OVGP1: variants seen among roughly 807,000 people sequenced by gnomAD.
The protein encoded by OVGP1 is oviduct-specific glycoprotein.
OVGP1 carries 26 observed loss-of-function variants against 48.2 expected under a neutral mutation model. The ratio of observed to expected loss-of-function variants is 0.54; its 90% confidence interval spans 0.40 to 0.75. The LOEUF (loss-of-function observed/expected upper bound fraction) is 0.75, where lower values mean the gene tolerates loss of function less well. Ranked by LOEUF, OVGP1 falls within the 30% of genes least tolerant of loss-of-function variation. The probability of loss-of-function intolerance (pLI) is 0.00; values close to 1 mark genes in which losing one functional copy is unlikely to be tolerated. For synonymous variants in OVGP1, 294 were observed against 305.7 expected (o/e 0.96, Z 0.40); for missense variants, 791 against 820.6 (o/e 0.96, Z 0.44).
At chr1:111,427,565 C>A in intron 1 of OVGP1, 132 bp downstream of exon 1, 1 of 1,165,540 alleles carries the variant, frequency 8.6e-7, no homozygotes, top group Non-Finnish European at 1.3e-6. Context: ...TTAACTATGG[C>A]CCATCCCATC....
At chr1:111,421,170 C>T in intron 8 of OVGP1, 106 bp downstream of exon 8, 1 of 990,322 alleles carries the variant, frequency 1.0e-6, no homozygotes, top group Non-Finnish European at 1.5e-6. Flanking sequence ...CACCTCTTTG[C>T]CCTGTCTACA....
At chr1:111,425,250 A>G (rs990114092) in intron 4 of OVGP1, 133 bp downstream of exon 4, 18 of 987,002 alleles carry the variant, frequency 1.8e-5, no homozygotes, top group Admixed American at 4.6e-5. Flanking sequence ...CAGGGGTCTA[A>G]GATTCATGAG....
rs1245800398 is a variant in OVGP1 at position 111,421,471 on chromosome 1, A to G, written c.718-10T>C. 3.7e-6 allele frequency: 6 copies of G among 1,609,038 alleles called. No individual in the cohort carries two copies. The East Asian group carries it at 1.1e-4, about 30-fold the overall frequency. On this transcript the variant is annotated splice_polypyrimidine_tract_variant and intron_variant, in intron 7 of 10. Transcript: ENST00000369732. ...AATTCATAGCATATGCCTGCAGGTA[A>G]GAAGAATCCAGACTCCTCCTTGTTA...
chr1:111,423,533 C>T lies in OVGP1; in HGVS notation c.483+10G>A. On this transcript the variant is annotated intron_variant, in intron 5 of 10. Transcript: ENST00000369732. Reference sequence around the variant, plus strand: ...ATTTCTGGATTCTGGCGCTTCTAGACCAGACTTACTTCAATTAAGAAGAGA... The same window carrying T: ...ATTTCTGGATTCTGGCGCTTCTAGATCAGACTTACTTCAATTAAGAAGAGA... The T allele has an allele frequency of 1.9e-6, 3 of 1,613,266 alleles. No homozygotes were observed. The highest frequency in any genetic ancestry group is 2.5e-6 in the Non-Finnish European group (3 of 1,179,686).
At chr1:111,425,971 A>T (rs1652388017) in intron 3 of OVGP1, among the ~76,000 whole-genome samples, 1 of 152,170 alleles carries the variant, frequency 6.6e-6, no homozygotes, top group Non-Finnish European at 1.5e-5. Context: ...AATGTAAGCA[A>T]ACACTTACTG....
chr1:111,426,210 C>A (rs1652392498), intron 3 of OVGP1, among the ~76,000 whole-genome samples: 1 of 152,158 alleles, frequency 6.6e-6, no homozygotes, highest in Admixed American at 6.5e-5. Context: ...GAGAGAGAAG[C>A]ACATTCCAGG....
At chr1:111,427,553 C>A in intron 1 of OVGP1, 144 bp downstream of exon 1, 1 of 1,118,946 alleles carries the variant, frequency 8.9e-7, no homozygotes, top group Non-Finnish European at 1.3e-6. Flanking sequence ...GACCTCTGAC[C>A]ATTAACTATG....
At chr1:111,423,807 A>C in intron 4 of OVGP1, 99 bp from the exon 5 acceptor site, 4 of 1,170,982 alleles carry the variant, frequency 3.4e-6, no homozygotes, top group Non-Finnish European at 4.9e-6. Flanking sequence ...TGGGCCTGGC[A>C]GATGTGGCTG....
At chr1:111,416,877 G>C (rs187420861) in intron 9 of OVGP1, among the ~76,000 whole-genome samples, 2 of 152,308 alleles carry the variant, frequency 1.3e-5, no homozygotes, top group Non-Finnish European at 2.9e-5. Context: ...AATGGTGGTT[G>C]CCAGGGGACG....
chr1:111,425,565 A>T, intron 3 of OVGP1, 126 bp from the exon 4 acceptor site: 3 of 1,511,134 alleles, frequency 2.0e-6, no homozygotes, highest in Non-Finnish European at 2.7e-6. Context: ...TAAGGAAAGG[A>T]AAAGGGGGAA....
At chr1:111,418,218 A>G (rs955185506) in intron 9 of OVGP1, among the ~76,000 whole-genome samples, 2 of 152,302 alleles carry the variant, frequency 1.3e-5, no homozygotes, top group Middle Eastern at 3.4e-3. Context: ...CAGTAACTGC[A>G]CCTCAAAGCA....
chr1:111,419,784 G>A (rs878903598), intron 8 of OVGP1, 58 bp from the exon 9 acceptor site: 123 of 999,500 alleles, frequency 1.2e-4, no homozygotes, highest in South Asian at 8.3e-4. Flanking sequence ...AGCACCAAGA[G>A]ACAGTTGTTC....
chr1:111,422,811 C>T lies in OVGP1; in HGVS notation c.608+116G>A, dbSNP rs191784217. ...CAGTCCAGCCCCAAACTTGCACTGA[C>T]GTCAGGGCAGGCACACGGTGAGCTC... On this transcript the variant is annotated intron_variant, in intron 6 of 10. Transcript: ENST00000369732. 4.9e-4 allele frequency: 592 copies of T among 1,219,726 alleles called. 2 individuals are homozygous for T. The African/African-American group carries it at 6.4e-3, about 13-fold the overall frequency. The allele number at this position is 1,219,726 out of a possible 1,614,324, so 75.6% of individuals were successfully genotyped here.
rs549649343 is a variant in OVGP1 at position 111,422,018 on chromosome 1, T to G, written c.609-345A>C. Among the ~76,000 whole-genome samples, 9 of 152,302 alleles carry G rather than the reference T, an allele frequency of 5.9e-5. 2 individuals are homozygous for G. The highest frequency in any genetic ancestry group is 2.2e-4 in the African/African-American group (9 of 41,562). Reference sequence around the variant, plus strand: ...GTTCCATAGCTTGTCTTTCTACAATTCCAGGAGCCATTGAAACCCACCTCC... The same window carrying G: ...GTTCCATAGCTTGTCTTTCTACAATGCCAGGAGCCATTGAAACCCACCTCC... On this transcript the variant is annotated intron_variant, in intron 6 of 10. Coordinates refer to ENST00000369732, the MANE Select transcript of OVGP1 (RefSeq NM_002557.4).
In OVGP1 at chr1:111,415,158, C is replaced by T; in HGVS notation, c.1343G>A (p.Gly448Asp). ...KCENMTITPR[G>D]TTVTPTKETV... ...TTCCTTTGTAGGGGTCACAGTTGTA[C>T]CTCTAGGGGTTATAGTCATATTTTC... The change falls in exon 11 of 11, where the codon GGT (glycine) becomes GAT (aspartate). Residue 448 changes from glycine (G) to aspartate (D), a missense_variant. Coordinates refer to ENST00000369732, the MANE Select transcript of OVGP1 (RefSeq NM_002557.4). The T allele has an allele frequency of 1.2e-6, 2 of 1,614,106 alleles. No homozygotes were observed. Among genetic ancestry groups the T allele is most frequent in the Non-Finnish European group, 1.7e-6 (2 of 1,179,998 alleles).
intron 1 of OVGP1, 76 bp downstream of exon 1, chr1:111,427,621 C>T: frequency 6.6e-7 from 1 of 1,508,860 alleles, no homozygotes; most frequent in Non-Finnish European, 9.2e-7. Context: ...CTCTCTCAGG[C>T]ACCAGAGAGA....
At chr1:111,417,698 A>G (rs1652168274) in intron 9 of OVGP1, among the ~76,000 whole-genome samples, 1 of 152,198 alleles carries the variant, frequency 6.6e-6, no homozygotes, top group African/African-American at 2.4e-5. Context: ...ATCAGAGGAC[A>G]GAATATTTAT....
At chr1:111,421,745 G>A in intron 6 of OVGP1, 72 bp from the exon 7 acceptor site, 1 of 924,988 alleles carries the variant, frequency 1.1e-6, no homozygotes, top group Non-Finnish European at 1.8e-6. Context: ...TCACAGCACT[G>A]TCTAGCTAAC....
intron 3 of OVGP1, 81 bp downstream of exon 3, chr1:111,426,356 G>A: frequency 6.3e-7 from 1 of 1,592,976 alleles, no homozygotes; most frequent in Non-Finnish European, 8.6e-7. Context: ...GAAGAAAGTT[G>A]AAGAGTAACA....
Sources: gnomAD v4.1 joint callset for allele counts (sites outside exome capture counted in the v4.1 genomes callset) on GRCh38, gnomAD v4.1.1 for gene constraint, MANE v1.5 for transcripts, NCBI Gene and HGNC (gene_info 2026-07-23, HGNC 2026-07-21) for gene names.